The following GRIK2 variants were observed in gnomAD, a reference collection of about 807,000 sequenced individuals.
The protein encoded by GRIK2 is glutamate receptor ionotropic, kainate 2.
A neutral mutation model predicts 100.3 loss-of-function variants in GRIK2; 32 were observed. The observed-to-expected ratio is 0.32, with a 90% CI of 0.24 to 0.43. The LOEUF (loss-of-function observed/expected upper bound fraction) is 0.43. Ranked by LOEUF, GRIK2 falls within the 20% of genes least tolerant of loss-of-function variation. The pLI is 1.00. For missense variants in GRIK2, 843 were observed against 1,114.9 expected (o/e 0.76, Z 3.47); for synonymous variants, 417 against 389.4 (o/e 1.07, Z -0.83).
intron 7 of GRIK2, among the ~76,000 whole-genome samples, chr6:101,766,521 T>A (rs1277581540): frequency 6.6e-6 from 1 of 152,174 alleles, no homozygotes; most frequent in East Asian, 1.9e-4. Flanking sequence ...TTTTTTATGA[T>A]AAAGTTGGAT....
chr6:101,865,982 AC>A (rs1785032840), intron 11 of GRIK2, among the ~76,000 whole-genome samples: 1 of 152,096 alleles, frequency 6.6e-6, no homozygotes, highest in African/African-American at 2.4e-5. Flanking sequence ...GAGTAGAAAC[AC>A]TATTATTATT....
At chr6:101,929,054 G>A (rs1347132007) in intron 14 of GRIK2, among the ~76,000 whole-genome samples, 2 of 152,068 alleles carry the variant, frequency 1.3e-5, no homozygotes, top group African/African-American at 4.8e-5. Flanking sequence ...TTGAAATGAG[G>A]CAAGATTTAA....
intron 4 of GRIK2, among the ~76,000 whole-genome samples, chr6:101,636,333 C>T (rs915635353): frequency 1.3e-5 from 2 of 151,994 alleles, no homozygotes; most frequent in African/African-American, 4.8e-5. Flanking sequence ...GGGCACATCA[C>T]ACACTGGGGC....
chr6:101,993,903 C>T (rs1400188703), intron 14 of GRIK2: 3 of 145,722 alleles, frequency 2.1e-5, no homozygotes, highest in South Asian at 4.2e-4. Flanking sequence ...ATTATACACA[C>T]ATATATTAAT....
At chr6:101,440,867 C>T (rs1770005084) in intron 2 of GRIK2, among the ~76,000 whole-genome samples, 1 of 149,366 alleles carries the variant, frequency 6.7e-6, no homozygotes, top group Non-Finnish European at 1.5e-5. Flanking sequence ...TTGTCAGATT[C>T]TACGAGAAAG....
chr6:101,714,162 C>A (rs1036615105), intron 7 of GRIK2, among the ~76,000 whole-genome samples: 1 of 151,694 alleles, frequency 6.6e-6, no homozygotes, highest in African/African-American at 2.4e-5. Flanking sequence ...TTCTCCAGAG[C>A]TGATCAAGCA....
chr6:101,565,125 C>T (rs946551074), intron 2 of GRIK2, among the ~76,000 whole-genome samples: 5 of 152,072 alleles, frequency 3.3e-5, no homozygotes, highest in Non-Finnish European at 5.9e-5. Context: ...AGAACACATT[C>T]CATTTCGGTC....
At chr6:101,890,098 T>A (rs1033533290) in intron 12 of GRIK2, 6 of 374,654 alleles carry the variant, frequency 1.6e-5, no homozygotes, top group African/African-American at 1.0e-4. Context: ...GGATTACTGT[T>A]TTCTTAACCA....
intron 2 of GRIK2, among the ~76,000 whole-genome samples, chr6:101,502,807 T>C (rs1773831815): frequency 6.6e-6 from 1 of 152,158 alleles, no homozygotes; most frequent in African/African-American, 2.4e-5. Context: ...CTACTATTAT[T>C]AATCCCCTTG....
chr6:101,949,186 T>A (rs1157266923), intron 14 of GRIK2, among the ~76,000 whole-genome samples: 1 of 151,314 alleles, frequency 6.6e-6, no homozygotes, highest in Non-Finnish European at 1.5e-5. Context: ...GTTGTTGTTG[T>A]TGTGTTTTTG....
chr6:101,898,823 T>A (rs1376555508), intron 12 of GRIK2, among the ~76,000 whole-genome samples: 1 of 151,952 alleles, frequency 6.6e-6, no homozygotes, highest in Admixed American at 6.6e-5. Flanking sequence ...GAGAGAAATA[T>A]CAATGTTAAA....
chr6:101,598,594 A>T (rs1267604932), intron 2 of GRIK2, among the ~76,000 whole-genome samples: 1 of 96,196 alleles, frequency 1.0e-5, no homozygotes, highest in Non-Finnish European at 2.4e-5. Context: ...TTCCTTAATA[A>T]AAAAAAAAAA....
In GRIK2 at chr6:102,061,871, A is replaced by G. The variant is rs543932666; in HGVS notation, c.2562+6291A>G. Reference sequence around the variant, plus strand: ...ATTTTAACTGCCACACCTTATGAAAAGAAAGTTTTCTAGCTTAAGCATTAG... The same window carrying G: ...ATTTTAACTGCCACACCTTATGAAAGGAAAGTTTTCTAGCTTAAGCATTAG... On this transcript the variant is annotated intron_variant, in intron 16 of 16. Transcript: ENST00000369134. Among the ~76,000 whole-genome samples the G allele has an allele frequency of 4.8e-4, 73 of 150,518 alleles. No individual in the cohort carries two copies. In the South Asian group the frequency reaches 0.014, roughly 30 times the overall value.
chr6:101,931,228 T>C (rs140220375), intron 14 of GRIK2, among the ~76,000 whole-genome samples: 1,792 of 152,258 alleles, frequency 0.012, 40 homozygotes, highest in African/African-American at 0.041. Context: ...AAAAACTACC[T>C]ACTCATTTTG....
At chr6:101,652,366 C>A (rs114336537) in intron 4 of GRIK2, among the ~76,000 whole-genome samples, 2,651 of 152,172 alleles carry the variant, frequency 0.017, 77 homozygotes, top group African/African-American at 0.061. Flanking sequence ...CCCTCCACAA[C>A]TAAGAAGAAG....
At chr6:101,918,802 A>T (rs1934674) in intron 12 of GRIK2, among the ~76,000 whole-genome samples, 112,580 of 151,516 alleles carry the variant, frequency 0.74, 42,916 homozygotes, top group East Asian at 0.94. Flanking sequence ...GAGGAGAATG[A>T]TTTTTAAAAG....
chr6:101,738,201 T>C (rs1399524096), intron 7 of GRIK2, among the ~76,000 whole-genome samples: 2 of 149,156 alleles, frequency 1.3e-5, no homozygotes, highest in African/African-American at 4.9e-5. Context: ...TAATTGACAA[T>C]TGTCAAATGT....
chr6:101,688,010 TG>T (rs1369179498), intron 7 of GRIK2, among the ~76,000 whole-genome samples: 2 of 148,812 alleles, frequency 1.3e-5, no homozygotes, highest in African/African-American at 4.9e-5. Flanking sequence ...AATATTATAA[TG>T]TATGCTATCC....
chr6:101,596,171 C>A (rs1055474986), intron 2 of GRIK2, among the ~76,000 whole-genome samples: 1 of 149,802 alleles, frequency 6.7e-6, no homozygotes, highest in South Asian at 2.1e-4. Flanking sequence ...TATCAGTGGT[C>A]AACTGACCCT....
Sources: allele counts gnomAD v4.1 joint callset (sites outside exome capture counted in the v4.1 genomes callset), GRCh38; gene constraint gnomAD v4.1.1; transcripts MANE v1.5; gene names NCBI Gene and HGNC (gene_info 2026-07-23, HGNC 2026-07-21).